Variants in OSBPL9 observed in about 807,000 individuals in gnomAD.
OSBPL9 encodes the protein oxysterol binding protein like 9, also known as oxysterol-binding protein-related protein 9.
In OSBPL9, 40 loss-of-function variants were observed where a neutral mutation model predicts 106.6. The observed-to-expected ratio is 0.38, with a 90% confidence interval of 0.29 to 0.49. The LOEUF is 0.49. Ranked by LOEUF, OSBPL9 falls within the 20% of genes least tolerant of loss-of-function variation. OSBPL9 has a pLI of 0.97. For missense variants in OSBPL9, 609 were observed against 887.2 expected (o/e 0.69, Z 3.98); for synonymous variants, 269 against 295.4 (o/e 0.91, Z 0.92).
At chr1:51,578,840 A>G (rs2148598178) in intron 1 of OSBPL9, among the ~76,000 whole-genome samples, 2 of 152,296 alleles carry the variant, frequency 1.3e-5, no homozygotes, top group Middle Eastern at 6.8e-3. Flanking sequence ...AAGTCAAACA[A>G]CAGTGTGGTA....
chr1:51,634,104 C>T (rs1426292560), intron 1 of OSBPL9, among the ~76,000 whole-genome samples: 1 of 152,214 alleles, frequency 6.6e-6, no homozygotes, highest in Non-Finnish European at 1.5e-5. Flanking sequence ...TTGCTAACCA[C>T]ATTTTTGTGT....
chr1:51,676,871 G>T lies in OSBPL9; in HGVS notation c.241+7359G>T, dbSNP rs182447712. The stretch of plus-strand genomic sequence containing the variant: ...GTTCCATTACTTCGTAGAAATATTA[G>T]TGGCGGTGTTGGTGTTTGTGGTAGT... On this transcript the variant is annotated intron_variant, in intron 3 of 23. Transcript: ENST00000428468. Among the ~76,000 whole-genome samples the T allele has an allele frequency of 2.4e-3, 359 of 152,254 alleles. 1 individual carries two copies. The highest frequency in any genetic ancestry group is 8.3e-3 in the African/African-American group (344 of 41,552).
rs926411495 is a variant in OSBPL9 at position 51,718,602 on chromosome 1, T to C, written c.318+4523T>C. On this transcript the variant is annotated intron_variant, in intron 4 of 23. Coordinates refer to ENST00000428468, the MANE Select transcript of OSBPL9 (RefSeq NM_024586.6). ...CCCAGGGCCCCCGTTGTCTGATTTT[T>C]CTGCTTCTAGAACTGTTAGAGGTCA... is the stretch of plus-strand genomic sequence containing the variant. Among the ~76,000 whole-genome samples, 3 of 152,232 alleles carry C rather than the reference T, an allele frequency of 2.0e-5. No homozygotes were observed. The South Asian group carries it at 6.2e-4, about 32-fold the overall frequency.
At chr1:51,643,778 G>C (rs907987304) in intron 1 of OSBPL9, among the ~76,000 whole-genome samples, 3 of 151,946 alleles carry the variant, frequency 2.0e-5, no homozygotes, top group Non-Finnish European at 2.9e-5. Context: ...AAGAGATAGA[G>C]AAGAATTAGA....
chr1:51,552,928 AT>A, the OSBPL9 span, among the ~76,000 whole-genome samples: 3 of 149,498 alleles, frequency 2.0e-5, no homozygotes, highest in African/African-American at 7.4e-5. Flanking sequence ...TGGTCTTTCC[AT>A]TTTTTTTTAA....
At chr1:51,540,852 G>A in the OSBPL9 span, among the ~76,000 whole-genome samples, 1 of 145,012 alleles carries the variant, frequency 6.9e-6, no homozygotes, top group Admixed American at 6.9e-5. Flanking sequence ...CCAGCTACTT[G>A]GGAGGCTGAG....
Position 51,669,465 on chromosome 1 carries a change from A to T in OSBPL9, c.194A>T (p.Asp65Val). 6.2e-7 allele frequency: 1 copy of T among 1,614,078 alleles called. No individual in the cohort carries two copies. The highest frequency in any genetic ancestry group is 8.5e-7 in the Non-Finnish European group (1 of 1,179,982). Reference protein sequence around the residue: ...GAVIGIDDEDDSTFTITVDQK... With the variant: ...GAVIGIDDEDVSTFTITVDQK... The stretch of plus-strand genomic sequence containing the variant: ...GTGATTGGTATAGACGATGAGGACG[A>T]CAGCACCTTCACAATAACTGTTGAT... The change falls in exon 3 of 24, where the codon GAC (aspartate) becomes GTC (valine). Residue 65 changes from aspartate (D) to valine (V), a missense_variant. Transcript: ENST00000428468.
intron 1 of OSBPL9, among the ~76,000 whole-genome samples, chr1:51,621,404 C>A (rs1256119679): frequency 6.6e-6 from 1 of 151,828 alleles, no homozygotes; most frequent in Non-Finnish European, 1.5e-5. Context: ...AATTCAGCCT[C>A]TCCCTTCAAG....
At chr1:51,654,881 A>G (rs1646725376) in intron 2 of OSBPL9, among the ~76,000 whole-genome samples, 1 of 152,162 alleles carries the variant, frequency 6.6e-6, no homozygotes, top group Non-Finnish European at 1.5e-5. Flanking sequence ...AATCAGAGAC[A>G]GAAAGTAGAA....
chr1:51,617,245 C>G (rs772598654), intron 1 of OSBPL9, 24 bp downstream of exon 1: 1 of 1,578,898 alleles, frequency 6.3e-7, no homozygotes, highest in Admixed American at 1.8e-5. Context: ...GGGCACAGCT[C>G]CAGGCGCCTC....
chr1:51,524,910 T>A, the OSBPL9 span, among the ~76,000 whole-genome samples: 15 of 152,268 alleles, frequency 9.9e-5, no homozygotes, highest in African/African-American at 3.6e-4. Flanking sequence ...TTTCAAAGCA[T>A]TTTCTCCATA....
intron 3 of OSBPL9, among the ~76,000 whole-genome samples, chr1:51,703,358 G>A (rs1657730088): frequency 6.6e-6 from 1 of 152,068 alleles, no homozygotes; most frequent in East Asian, 1.9e-4. Context: ...GGTCCTTCAT[G>A]TCCCTTGTAA....
chr1:51,595,600 C>T lies in OSBPL9; in HGVS notation c.-422-2524C>T, dbSNP rs184691500. ...GCAGAGAGAAGACCATGGGCAAAGG[C>T]CAGAGAAGCGAAAGACTTGTAAATT... is the stretch of plus-strand genomic sequence containing the variant. On this transcript the variant is annotated intron_variant, in intron 1 of 25. Coordinates refer to the OSBPL9 transcript ENST00000371714. Among the ~76,000 whole-genome samples, 1,359 of 152,098 alleles carry T rather than the reference C, an allele frequency of 8.9e-3. 15 individuals are homozygous for T. Among genetic ancestry groups the T allele is most frequent in the Non-Finnish European group, 0.014 (966 of 67,992 alleles).
At chr1:51,635,318 G>A (rs1274616167) in intron 1 of OSBPL9, among the ~76,000 whole-genome samples, 1 of 151,842 alleles carries the variant, frequency 6.6e-6, no homozygotes, top group African/African-American at 2.4e-5. Flanking sequence ...TCAGAACTTT[G>A]GTCTCCTTTT....
At chr1:51,558,274 C>T in the OSBPL9 span, among the ~76,000 whole-genome samples, 87 of 137,850 alleles carry the variant, frequency 6.3e-4, no homozygotes, top group Admixed American at 2.6e-3. Context: ...AGCCAGACTC[C>T]GTCTCAAAAA....
At chr1:51,557,086 A>G in the OSBPL9 span, among the ~76,000 whole-genome samples, 2 of 152,058 alleles carry the variant, frequency 1.3e-5, no homozygotes, top group African/African-American at 2.4e-5. Context: ...ATAAGTATAT[A>G]TACCTACTGT....
At chr1:51,724,094 G>A (rs973213788) in intron 4 of OSBPL9, among the ~76,000 whole-genome samples, 24 of 151,986 alleles carry the variant, frequency 1.6e-4, no homozygotes, top group African/African-American at 5.6e-4. Flanking sequence ...TTACAGGAGT[G>A]CGCCACCACG....
the OSBPL9 span, among the ~76,000 whole-genome samples, chr1:51,549,786 T>C: frequency 6.6e-6 from 1 of 152,208 alleles, no homozygotes; most frequent in Non-Finnish European, 1.5e-5. Flanking sequence ...TAAGCTGAGA[T>C]TGTGCCACTG....
intron 1 of OSBPL9, among the ~76,000 whole-genome samples, chr1:51,635,003 A>C (rs1255623804): frequency 6.6e-6 from 1 of 152,234 alleles, no homozygotes; most frequent in Non-Finnish European, 1.5e-5. Flanking sequence ...CTCCTACAAC[A>C]TGTGGGAATT....
Sources: allele counts gnomAD v4.1 joint callset (sites outside exome capture counted in the v4.1 genomes callset), GRCh38; gene constraint gnomAD v4.1.1; transcripts MANE v1.5; gene names NCBI Gene and HGNC (gene_info 2026-07-23, HGNC 2026-07-21).